The following EFCAB5 variants were observed in gnomAD, a reference collection of about 807,000 sequenced individuals.
EFCAB5 encodes the protein EF-hand calcium binding domain 5.
Under a neutral mutation model 167.9 loss-of-function variants are expected in EFCAB5, and 131 were observed. The ratio of observed to expected loss-of-function variants is 0.78; its 90% confidence interval spans 0.68 to 0.90. EFCAB5 has a LOEUF of 0.90. EFCAB5 is among the 40% of genes least tolerant of loss of function. The pLI, the probability that EFCAB5 is intolerant of heterozygous loss-of-function variation, is 0.00. For missense variants in EFCAB5, 1,663 were observed against 1,745.2 expected (o/e 0.95, Z 0.84); for synonymous variants, 574 against 602.8 (o/e 0.95, Z 0.70).
At chr17:30,089,401 G>A (rs1421978003) in intron 19 of EFCAB5, among the ~76,000 whole-genome samples, 1 of 152,118 alleles carries the variant, frequency 6.6e-6, no homozygotes, top group African/African-American at 2.4e-5. Flanking sequence ...GATTGATATA[G>A]AAACTATAAA....
chr17:30,061,724 G>A (rs2070431074), intron 14 of EFCAB5, among the ~76,000 whole-genome samples: 1 of 152,064 alleles, frequency 6.6e-6, no homozygotes, highest in South Asian at 2.1e-4. Flanking sequence ...TATATAGGCT[G>A]TGCCACCATG....
chr17:30,011,399 A>C (rs1158470606), intron 7 of EFCAB5, among the ~76,000 whole-genome samples: 1 of 152,168 alleles, frequency 6.6e-6, no homozygotes, highest in African/African-American at 2.4e-5. Flanking sequence ...CTTGGGCAGT[A>C]TGGCCATTTT....
chr17:30,080,511 TTC>T (rs2070964030), intron 16 of EFCAB5, among the ~76,000 whole-genome samples: 1 of 152,024 alleles, frequency 6.6e-6, no homozygotes, highest in African/African-American at 2.4e-5. Flanking sequence ...GTCTCTGGAG[TTC>T]TGTTTATATT....
At position 30,030,694 on chromosome 17, in the gene EFCAB5, G is replaced by A. The variant is rs185677263; in HGVS notation, c.1045-3536G>A. On this transcript the variant is annotated intron_variant, in intron 7 of 22. Coordinates refer to ENST00000394835, the MANE Select transcript of EFCAB5 (RefSeq NM_198529.4). ...TTTTTTTTTTTTGAAACAGGGTCCC[G>A]CTCTGTTGCCTGGGCTGGAGTGATG... 2.1e-4 allele frequency among the ~76,000 whole-genome samples: 31 copies of A among 150,620 alleles called. 1 individual carries two copies. Among genetic ancestry groups the A allele is most frequent in the African/African-American group, 7.1e-4 (29 of 40,932 alleles).
chr17:30,087,698 G>T (rs1244530597), intron 19 of EFCAB5, among the ~76,000 whole-genome samples: 3 of 152,136 alleles, frequency 2.0e-5, no homozygotes, highest in Non-Finnish European at 4.4e-5. Context: ...TATCATTGAT[G>T]GGCATTTGGG....
intron 5 of EFCAB5, among the ~76,000 whole-genome samples, chr17:29,994,849 G>T (rs1012988294): frequency 6.6e-6 from 1 of 152,220 alleles, no homozygotes; most frequent in Admixed American, 6.5e-5. Context: ...TGTAAGTGAT[G>T]ATACCAGCCA....
intron 22 of EFCAB5, among the ~76,000 whole-genome samples, chr17:30,097,059 TA>T (rs1167782547): frequency 0.019 from 1,118 of 57,532 alleles, 16 homozygotes; most frequent in Admixed American, 0.03. Flanking sequence ...CATATATATA[TA>T]TTTTTTTTTT....
intron 7 of EFCAB5, among the ~76,000 whole-genome samples, chr17:30,027,406 G>C (rs912178150): frequency 6.8e-6 from 1 of 147,182 alleles, no homozygotes; most frequent in Non-Finnish European, 1.5e-5. Flanking sequence ...GTATACCACA[G>C]AATATGAACT....
chr17:30,021,567 T>C (rs910637109), intron 7 of EFCAB5, among the ~76,000 whole-genome samples: 1 of 151,400 alleles, frequency 6.6e-6, no homozygotes, highest in Non-Finnish European at 1.5e-5. Context: ...GATGGCTTGA[T>C]CTAATTAATA....
chr17:30,033,739 T>A (rs1351424071), intron 7 of EFCAB5, among the ~76,000 whole-genome samples: 1 of 152,102 alleles, frequency 6.6e-6, no homozygotes, highest in Non-Finnish European at 1.5e-5. Context: ...TAAAAGAAGA[T>A]CATAGACAAA....
chr17:29,929,927 G>A (rs1343340339), intron 1 of EFCAB5: 1 of 1,592,630 alleles, frequency 6.3e-7, no homozygotes, highest in South Asian at 1.1e-5. Flanking sequence ...CGGCCGCCAG[G>A]AAGGACTCAC....
chr17:30,106,614 G>A (rs369314794), intron 22 of EFCAB5, among the ~76,000 whole-genome samples: 7 of 151,858 alleles, frequency 4.6e-5, no homozygotes, highest in East Asian at 3.9e-4. Context: ...CCACCACCAC[G>A]CCTGGCTAAT....
intron 22 of EFCAB5, among the ~76,000 whole-genome samples, chr17:30,098,536 G>GA (rs549515033): frequency 0.048 from 5,895 of 123,634 alleles, 323 homozygotes; most frequent in African/African-American, 0.15. Context: ...TGTCTACAGA[G>GA]AAAAAAAAAA....
chr17:30,024,437 T>C (rs982708594), intron 7 of EFCAB5, among the ~76,000 whole-genome samples: 1 of 152,138 alleles, frequency 6.6e-6, no homozygotes, highest in East Asian at 1.9e-4. Context: ...TCACAATTGC[T>C]TCAAAGAGAA....
intron 22 of EFCAB5, among the ~76,000 whole-genome samples, chr17:30,097,334 C>T (rs997873873): frequency 2.0e-5 from 3 of 152,188 alleles, no homozygotes; most frequent in East Asian, 1.9e-4. Context: ...GGATTACAGG[C>T]GTGAGCCACT....
intron 7 of EFCAB5, among the ~76,000 whole-genome samples, chr17:30,011,403 C>T (rs1387173670): frequency 6.6e-6 from 1 of 152,156 alleles, no homozygotes; most frequent in Non-Finnish European, 1.5e-5. Context: ...GGCAGTATGG[C>T]CATTTTCACG....
At chr17:30,030,091 G>A (rs2069439274) in intron 7 of EFCAB5, among the ~76,000 whole-genome samples, 2 of 152,068 alleles carry the variant, frequency 1.3e-5, no homozygotes, top group Admixed American at 6.6e-5. Context: ...AAACACAAAG[G>A]CTCCCATCGA....
intron 8 of EFCAB5, among the ~76,000 whole-genome samples, chr17:30,045,651 C>A (rs1358123244): frequency 6.6e-6 from 1 of 151,722 alleles, no homozygotes; most frequent in African/African-American, 2.4e-5. Flanking sequence ...ATGGACTGGG[C>A]ACAGTGGCTC....
At chr17:29,933,234 C>T (rs766157453) in intron 1 of EFCAB5, among the ~76,000 whole-genome samples, 4 of 152,150 alleles carry the variant, frequency 2.6e-5, no homozygotes, top group Non-Finnish European at 4.4e-5. Context: ...AGTCTATATA[C>T]GTACAAAGTT....
Sources: allele counts gnomAD v4.1 joint callset (sites outside exome capture counted in the v4.1 genomes callset), GRCh38; gene constraint gnomAD v4.1.1; transcripts MANE v1.5; gene names NCBI Gene and HGNC (gene_info 2026-07-23, HGNC 2026-07-21).